Variants in NBAS observed in about 807,000 individuals in gnomAD.
NBAS encodes the protein NBAS subunit of NRZ tethering complex.
A neutral mutation model predicts 302.5 loss-of-function variants in NBAS; 219 were observed. That is an observed-to-expected ratio of 0.72 (90% confidence interval 0.65 to 0.81). The LOEUF is 0.81. Among genes scored for constraint, NBAS ranks in the 30% least tolerant of loss-of-function variants. The pLI, the probability that NBAS is intolerant of heterozygous loss-of-function variation, is 0.00. For missense variants in NBAS, 2,932 were observed against 2,841.6 expected (o/e 1.03, Z -0.72); for synonymous variants, 1,118 against 1,021.6 (o/e 1.09, Z -1.80).
intron 48 of NBAS, among the ~76,000 whole-genome samples, chr2:15,215,238 G>A (rs981973368): frequency 2.6e-5 from 4 of 152,046 alleles, no homozygotes; most frequent in Non-Finnish European, 5.9e-5. Flanking sequence ...AAAAATGAAG[G>A]CCTCTGAATT....
intron 35 of NBAS, among the ~76,000 whole-genome samples, chr2:15,350,789 A>G (rs892272457): frequency 1.3e-5 from 2 of 152,216 alleles, no homozygotes; most frequent in Non-Finnish European, 2.9e-5. Context: ...TAAATCAATT[A>G]ATTAGGTATC....
chr2:14,951,365 C>T, the NBAS span, among the ~76,000 whole-genome samples: 6 of 152,162 alleles, frequency 3.9e-5, 1 homozygote, highest in Admixed American at 2.0e-4. Flanking sequence ...CCCTACCCTT[C>T]CCATCAACAC....
chr2:15,531,015 A>G lies in NBAS; in HGVS notation c.746+3528T>C, dbSNP rs73915360. ...ACACTACTAGAAGCTAGAAGAAAAT[A>G]GAACAATACCTTCAAAATTTAATGG... On this transcript the variant is annotated intron_variant, in intron 9 of 51. Transcript: ENST00000281513. Among the ~76,000 whole-genome samples, 921 of 152,326 alleles carry G rather than the reference A, an allele frequency of 6.0e-3. 10 individuals carry two copies. Among genetic ancestry groups the G allele is most frequent in the African/African-American group, 0.02 (838 of 41,578 alleles).
the NBAS span, among the ~76,000 whole-genome samples, chr2:14,816,725 C>T: frequency 2.0e-5 from 3 of 152,210 alleles, no homozygotes; most frequent in Admixed American, 1.3e-4. Flanking sequence ...TTTACTGTCT[C>T]ATGTGTGCTT....
chr2:14,821,582 A>C, the NBAS span, among the ~76,000 whole-genome samples: 12 of 152,058 alleles, frequency 7.9e-5, no homozygotes, highest in African/African-American at 2.9e-4. Context: ...CTCTGGCCAG[A>C]TCCCTTTTTC....
intron 21 of NBAS, among the ~76,000 whole-genome samples, chr2:15,439,305 TAAA>T (rs74898089): frequency 6.7e-5 from 5 of 74,392 alleles, no homozygotes; most frequent in Admixed American, 1.6e-4. Flanking sequence ...CGGTCTCAAA[TAAA>T]AAAAAAAAAA....
the NBAS span, among the ~76,000 whole-genome samples, chr2:15,023,139 A>G: frequency 6.6e-6 from 1 of 152,086 alleles, no homozygotes; most frequent in East Asian, 1.9e-4. Context: ...GCATTTTGTC[A>G]GTTTGATTTA....
chr2:15,043,121 A>T, the NBAS span, among the ~76,000 whole-genome samples: 4,527 of 152,256 alleles, frequency 0.03, 221 homozygotes, highest in African/African-American at 0.1. Context: ...CCATTTACAC[A>T]GCACCCTTCC....
At chr2:15,439,111 C>T (rs1000790138) in intron 21 of NBAS, among the ~76,000 whole-genome samples, 6 of 151,884 alleles carry the variant, frequency 4.0e-5, no homozygotes, top group African/African-American at 7.3e-5. Context: ...CTGGCTAACA[C>T]GGTGAAACCC....
At chr2:15,248,377 C>T (rs1046269572) in intron 44 of NBAS, among the ~76,000 whole-genome samples, 5 of 152,244 alleles carry the variant, frequency 3.3e-5, no homozygotes, top group South Asian at 4.2e-4. Context: ...GACACCCTGA[C>T]ATCACAATTA....
intron 21 of NBAS, among the ~76,000 whole-genome samples, chr2:15,441,263 C>T (rs1310613066): frequency 2.0e-5 from 3 of 152,190 alleles, no homozygotes; most frequent in East Asian, 1.9e-4. Context: ...AGAGAAAGGT[C>T]GGGTTACCCA....
intron 9 of NBAS, among the ~76,000 whole-genome samples, chr2:15,524,698 T>C (rs562379009): frequency 6.6e-6 from 1 of 152,250 alleles, no homozygotes; most frequent in South Asian, 2.1e-4. Flanking sequence ...CTAGTCATTA[T>C]CCCATTGATC....
chr2:14,839,267 C>A, the NBAS span, among the ~76,000 whole-genome samples: 1 of 151,986 alleles, frequency 6.6e-6, no homozygotes, highest in African/African-American at 2.4e-5. Context: ...TCTGCCCAAT[C>A]TATCTGGCAC....
chr2:15,028,734 T>G, the NBAS span, among the ~76,000 whole-genome samples: 1 of 152,220 alleles, frequency 6.6e-6, no homozygotes, highest in Admixed American at 6.5e-5. Flanking sequence ...GTTGACATTC[T>G]CATACCTTCC....
At chr2:14,973,924 T>G in the NBAS span, among the ~76,000 whole-genome samples, 4 of 152,190 alleles carry the variant, frequency 2.6e-5, no homozygotes, top group South Asian at 8.3e-4. Flanking sequence ...TTTGTCTCCA[T>G]AACCCCCTCT....
In NBAS at chr2:15,379,594, T is replaced by C; in HGVS notation, c.3590+8A>G. On this transcript the variant is annotated splice_region_variant and intron_variant, in intron 30 of 51. Coordinates refer to ENST00000281513, the MANE Select transcript of NBAS (RefSeq NM_015909.4). Reference sequence around the variant, plus strand: ...TCCATCTTAGGGAAGAATATAGAGTTATTCTACCTGGCTAGATCCATGCAG... The same window carrying C: ...TCCATCTTAGGGAAGAATATAGAGTCATTCTACCTGGCTAGATCCATGCAG... 6.2e-7 allele frequency: 1 copy of C among 1,612,596 alleles called. No homozygotes were observed. Among genetic ancestry groups the C allele is most frequent in the Non-Finnish European group, 8.5e-7 (1 of 1,178,882 alleles).
intron 21 of NBAS, among the ~76,000 whole-genome samples, chr2:15,453,919 T>C (rs894755611): frequency 6.6e-6 from 1 of 151,982 alleles, no homozygotes. Context: ...GTTGGGACTA[T>C]AGCTGTGCGC....
chr2:15,397,890 A>G, intron 26 of NBAS: 1 of 177,852 alleles, frequency 5.6e-6, no homozygotes, highest in Non-Finnish European at 1.2e-5. Context: ...TGGACAAAAA[A>G]CCCTCATTAT....
At chr2:15,163,954 G>C (rs1413181786), downstream of NBAS, among the ~76,000 whole-genome samples, 5 of 152,046 alleles carry the variant, frequency 3.3e-5, no homozygotes, top group Admixed American at 6.6e-5. Context: ...GCGCCACCAC[G>C]CCTGGCTAAT....
Sources: allele counts gnomAD v4.1 joint callset (sites outside exome capture counted in the v4.1 genomes callset), GRCh38; gene constraint gnomAD v4.1.1; transcripts MANE v1.5; gene names NCBI Gene and HGNC (gene_info 2026-07-23, HGNC 2026-07-21).